The following ERC1 variants were observed in gnomAD, a reference collection of about 807,000 sequenced individuals.
ERC1 encodes RAB6 interacting protein 2.
ERC1 carries 56 observed loss-of-function variants against 132.0 expected under a neutral mutation model. The ratio of observed to expected loss-of-function variants is 0.42; its 90% CI spans 0.34 to 0.53. The LOEUF is 0.53. ERC1 is among the 20% of genes least tolerant of loss of function. The pLI is 0.03. For synonymous variants in ERC1, 478 were observed against 476.1 expected (o/e 1.00, Z -0.05); for missense variants, 1,202 against 1,349.9 (o/e 0.89, Z 1.72).
chr12:1,134,540 T>C (rs1949072728), intron 7 of ERC1, among the ~76,000 whole-genome samples: 1 of 151,788 alleles, frequency 6.6e-6, no homozygotes, highest in Non-Finnish European at 1.5e-5. Context: ...TTTGTAGAGA[T>C]AGTGTCTTGC....
chr12:1,452,612 CTGTTT>C (rs1266694474), intron 18 of ERC1, among the ~76,000 whole-genome samples: 1 of 151,912 alleles, frequency 6.6e-6, no homozygotes, highest in Non-Finnish European at 1.5e-5. Context: ...TCTTGGATTT[CTGTTT>C]TGTTTTGTTT....
At chr12:1,064,192 T>A (rs142178028) in intron 2 of ERC1, among the ~76,000 whole-genome samples, 111 of 152,156 alleles carry the variant, frequency 7.3e-4, no homozygotes, top group African/African-American at 2.6e-3. Flanking sequence ...ACATGTGACT[T>A]GAGGATTTTC....
intron 15 of ERC1, among the ~76,000 whole-genome samples, chr12:1,346,174 G>GT: frequency 6.6e-6 from 1 of 152,130 alleles, no homozygotes; most frequent in Non-Finnish European, 1.5e-5. Context: ...TTGTTTGTTT[G>GT]TTTGTTTTTC....
intron 16 of ERC1, among the ~76,000 whole-genome samples, chr12:1,387,416 C>T (rs2089496322): frequency 6.6e-6 from 1 of 151,968 alleles, no homozygotes; most frequent in African/African-American, 2.4e-5. Flanking sequence ...AACTTATAGC[C>T]CCCAAAAAAC....
At chr12:1,051,425 C>T (rs1971946317) in intron 2 of ERC1, among the ~76,000 whole-genome samples, 1 of 151,088 alleles carries the variant, frequency 6.6e-6, no homozygotes, top group Admixed American at 6.6e-5. Context: ...CATGGTGGCT[C>T]ATGCCTGTAA....
intron 13 of ERC1, among the ~76,000 whole-genome samples, chr12:1,261,499 T>G (rs1003025730): frequency 1.3e-5 from 2 of 152,162 alleles, no homozygotes; most frequent in Non-Finnish European, 2.9e-5. Flanking sequence ...AATCCTTCTT[T>G]TATGTTTAGT....
intron 6 of ERC1, among the ~76,000 whole-genome samples, chr12:1,114,314 C>A (rs186809780): frequency 3.9e-5 from 6 of 152,320 alleles, no homozygotes; most frequent in Admixed American, 2.6e-4. Flanking sequence ...AGCCACTGCA[C>A]CCGGCCTAAA....
intron 13 of ERC1, among the ~76,000 whole-genome samples, chr12:1,239,413 G>C (rs980570297): frequency 6.6e-6 from 1 of 152,120 alleles, no homozygotes; most frequent in South Asian, 2.1e-4. Flanking sequence ...CCACCACTGC[G>C]TTGTCATTTA....
chr12:1,421,481 CT>C (rs1226070204), intron 17 of ERC1, among the ~76,000 whole-genome samples: 4 of 152,144 alleles, frequency 2.6e-5, no homozygotes, highest in Non-Finnish European at 5.9e-5. Context: ...CAAAAGCTAT[CT>C]TCATACACTA....
At chr12:1,159,968 A>G (rs1951739870) in intron 8 of ERC1, among the ~76,000 whole-genome samples, 1 of 152,222 alleles carries the variant, frequency 6.6e-6, no homozygotes, top group South Asian at 2.1e-4. Context: ...GTATATACTC[A>G]GGATATGAGG....
At chr12:998,254 A>G (rs1035098653) in intron 1 of ERC1, 2 of 152,266 alleles carry the variant, frequency 1.3e-5, no homozygotes, top group Non-Finnish European at 2.9e-5. Context: ...ACCTCTTAGC[A>G]GCTGTGCTAG....
Position 1,083,594 on chromosome 12 carries a change from T to A in ERC1, c.1086+14T>A. The A allele has an allele frequency of 6.4e-7, 1 of 1,557,508 alleles. No homozygotes were observed. The highest frequency in any genetic ancestry group is 8.6e-7 in the Non-Finnish European group (1 of 1,157,016). ...ATGTTGAGAGAGGTATGTGACTACTTTTTTAGTTTTATGATTTGTTGGTTA... is the reference window on the plus strand; with the variant it reads ...ATGTTGAGAGAGGTATGTGACTACTATTTTAGTTTTATGATTTGTTGGTTA... On this transcript the variant is annotated intron_variant, in intron 3 of 18. Coordinates refer to ENST00000360905, the MANE Select transcript of ERC1 (RefSeq NM_178040.4).
chr12:1,051,454 C>T (rs924666356), intron 2 of ERC1, among the ~76,000 whole-genome samples: 14 of 150,174 alleles, frequency 9.3e-5, no homozygotes, highest in East Asian at 3.9e-4. Context: ...GTTTGGGAGG[C>T]CGAGGCAGGA....
At chr12:1,116,774 G>T (rs1038619988) in intron 7 of ERC1, among the ~76,000 whole-genome samples, 2 of 152,006 alleles carry the variant, frequency 1.3e-5, no homozygotes, top group African/African-American at 4.8e-5. Context: ...GTGGAGATGG[G>T]GTTTCACCAT....
intron 7 of ERC1, among the ~76,000 whole-genome samples, chr12:1,117,496 G>T (rs1946573824): frequency 6.6e-6 from 1 of 152,178 alleles, no homozygotes; most frequent in Admixed American, 6.5e-5. Context: ...ATCATGAGAT[G>T]CAGTAGTGGC....
chr12:1,005,624 C>T (rs1462934526), intron 1 of ERC1, among the ~76,000 whole-genome samples: 2 of 152,044 alleles, frequency 1.3e-5, no homozygotes, highest in Non-Finnish European at 2.9e-5. Flanking sequence ...TTTCTGAATC[C>T]ATTCTGAATA....
At chr12:1,439,747 C>T (rs940472979) in intron 17 of ERC1, among the ~76,000 whole-genome samples, 1 of 152,164 alleles carries the variant, frequency 6.6e-6, no homozygotes, top group Non-Finnish European at 1.5e-5. Flanking sequence ...ATTGAGGTCG[C>T]ATGTGGAAAA....
intron 13 of ERC1, among the ~76,000 whole-genome samples, chr12:1,240,971 C>G (rs1293174732): frequency 6.6e-6 from 1 of 152,032 alleles, no homozygotes; most frequent in Non-Finnish European, 1.5e-5. Context: ...ATACACGTTC[C>G]TCTTTTTCTG....
At chr12:1,265,776 C>T (rs563527989) in intron 14 of ERC1, among the ~76,000 whole-genome samples, 27 of 152,220 alleles carry the variant, frequency 1.8e-4, no homozygotes, top group African/African-American at 5.5e-4. Context: ...GTAGTTTTGC[C>T]GTTTTCTTTA....
Sources: gnomAD v4.1 joint callset for allele counts (sites outside exome capture counted in the v4.1 genomes callset) on GRCh38, gnomAD v4.1.1 for gene constraint, MANE v1.5 for transcripts, NCBI Gene and HGNC (gene_info 2026-07-23, HGNC 2026-07-21) for gene names.